The following ABHD4 variants were observed in gnomAD, a reference collection of about 807,000 sequenced individuals.
ABHD4 encodes (Lyso)-N-acylphosphatidylethanolamine lipase.
Under a neutral mutation model 42.3 loss-of-function variants are expected in ABHD4, and 35 were observed. The observed-to-expected ratio is 0.83, with a 90% CI of 0.63 to 1.10. The LOEUF is 1.10. ABHD4 is among the 50% of genes least tolerant of loss of function. The pLI is 0.00. For missense variants in ABHD4, 389 were observed against 454.8 expected, an observed-to-expected ratio of 0.86 and a Z score of 1.32; for synonymous variants, 169 against 170.6, an observed-to-expected ratio of 0.99 and a Z score of 0.07.
Position 22,598,719 on chromosome 14 carries a change from A to G in ABHD4, c.23+390A>G, listed in dbSNP as rs533610113. ...GTCTCGACTTGCCCCCCAGAACGGC[A>G]GTCGTGGGGATGGAGAGAGCCTCCT... On this transcript the variant is annotated intron_variant, in intron 1 of 6. Transcript: ENST00000428304. 259 of 381,028 alleles carry G rather than the reference A, an allele frequency of 6.8e-4. 2 individuals carry two copies. The highest frequency in any genetic ancestry group is 1.7e-3 in the Admixed American group (47 of 27,342). 23.6% of individuals were successfully genotyped at this position (381,028 alleles called of 1,614,324 possible). A position where few individuals can be genotyped will look rare whatever the true frequency, so the allele number is the denominator to read the frequency against.
At chr14:22,600,935 T>C (rs1262407522) in intron 1 of ABHD4, among the ~76,000 whole-genome samples, 1 of 151,582 alleles carries the variant, frequency 6.6e-6, no homozygotes, top group African/African-American at 2.4e-5. Context: ...TCCCTGGGTA[T>C]GAAGGAGAAA....
intron 5 of ABHD4, 88 bp from the exon 6 acceptor site, chr14:22,609,636 G>A: frequency 1.2e-5 from 17 of 1,409,258 alleles, no homozygotes; most frequent in Non-Finnish European, 1.6e-5. Flanking sequence ...GGAATACAAA[G>A]GTGACTAAGA....
chr14:22,604,306 A>C (rs1033305386), intron 4 of ABHD4: 3 of 466,696 alleles, frequency 6.4e-6, no homozygotes, highest in East Asian at 7.6e-5. Flanking sequence ...GCTGGAGTGC[A>C]GTGGTGCGAT....
At chr14:22,605,344 A>G (rs2037337200) in intron 4 of ABHD4, among the ~76,000 whole-genome samples, 1 of 152,222 alleles carries the variant, frequency 6.6e-6, no homozygotes, top group Non-Finnish European at 1.5e-5. Flanking sequence ...TTGTGCTTAC[A>G]GAGTAATATT....
At chr14:22,606,628 A>G in intron 5 of ABHD4, 95 bp downstream of exon 5, 1 of 864,142 alleles carries the variant, frequency 1.2e-6, no homozygotes, top group Non-Finnish European at 1.8e-6. Flanking sequence ...CTTCTTCAAC[A>G]AAGCTCTGAC....
intron 5 of ABHD4, among the ~76,000 whole-genome samples, chr14:22,607,692 T>C (rs1485457591): frequency 6.6e-6 from 1 of 152,202 alleles, no homozygotes; most frequent in East Asian, 1.9e-4. Flanking sequence ...GCCTGTCTCA[T>C]ACCCACCTGA....
chr14:22,600,154 C>T, intron 1 of ABHD4: 1 of 455,766 alleles, frequency 2.2e-6, no homozygotes, highest in Non-Finnish European at 4.4e-6. Context: ...GAAGCTCTGA[C>T]ACAGAAAAGC....
At chr14:22,598,552 C>G in intron 1 of ABHD4, 1 of 1,341,906 alleles carries the variant, frequency 7.5e-7, no homozygotes, top group Non-Finnish European at 1.0e-6. Flanking sequence ...GCCCGCAGCC[C>G]GGGGATCCTG....
chr14:22,606,964 A>T (rs987774576), intron 5 of ABHD4, among the ~76,000 whole-genome samples: 2 of 152,182 alleles, frequency 1.3e-5, no homozygotes, highest in Admixed American at 6.5e-5. Flanking sequence ...TGTAGTCCCT[A>T]CATTTCCTTA....
At chr14:22,606,028 A>G (rs2037345204) in intron 4 of ABHD4, among the ~76,000 whole-genome samples, 1 of 152,198 alleles carries the variant, frequency 6.6e-6, no homozygotes, top group East Asian at 1.9e-4. Flanking sequence ...TACCATCAGA[A>G]GATTAAAAGG....
At chr14:22,603,318 G>T (rs1297918280) in intron 2 of ABHD4, 72 bp from the exon 3 acceptor site, 2 of 1,577,700 alleles carry the variant, frequency 1.3e-6, no homozygotes, top group African/African-American at 2.7e-5. Flanking sequence ...TGTGAAGAGT[G>T]GTAGTCCAGG....
intron 1 of ABHD4, 35 bp from the exon 2 acceptor site, chr14:22,601,632 T>A: frequency 1.3e-6 from 2 of 1,580,466 alleles, no homozygotes; most frequent in Non-Finnish European, 1.7e-6. Flanking sequence ...TTCTTTCCAA[T>A]GTTGCCAATG....
chr14:22,604,180 C>T (rs1350248080), intron 4 of ABHD4, 101 bp downstream of exon 4: 9 of 1,362,094 alleles, frequency 6.6e-6, no homozygotes, highest in African/African-American at 1.5e-5. Context: ...TTGGCCTAGC[C>T]TTGTTATTTA....
chr14:22,610,967 AGAG>A lies in ABHD4; in HGVS notation c.*23_*25del, dbSNP rs767632231. On this transcript the variant is annotated 3_prime_UTR_variant, in exon 7 of 7. Transcript: ENST00000428304. ...TGATTGAGCTGCTCTCTGAAGAGGA[AGAG>A]GAGAAAGCCAGAGAGTCACTCTTAC... 12 of 1,609,762 alleles carry A rather than the reference AGAG, an allele frequency of 7.5e-6. No homozygotes were observed. The highest frequency in any genetic ancestry group is 1.0e-5 in the Non-Finnish European group (12 of 1,176,262).
At chr14:22,610,326 G>A (rs568646170) in intron 6 of ABHD4, among the ~76,000 whole-genome samples, 3 of 152,274 alleles carry the variant, frequency 2.0e-5, no homozygotes, top group South Asian at 4.1e-4. Context: ...CAAAGTGCTC[G>A]TATTGTACTA....
chr14:22,600,859 T>C (rs1305237110), intron 1 of ABHD4, among the ~76,000 whole-genome samples: 1 of 151,714 alleles, frequency 6.6e-6, no homozygotes, highest in African/African-American at 2.4e-5. Context: ...TGTGTGTGTG[T>C]GTGTGTGTGT....
chr14:22,603,871 T>C, intron 3 of ABHD4, 54 bp from the exon 4 acceptor site: 2 of 1,602,762 alleles, frequency 1.2e-6, no homozygotes, highest in South Asian at 2.2e-5. Context: ...TAAGGGGCTA[T>C]GGCAACTACC....
In ABHD4 at chr14:22,606,423, G is replaced by A. The variant is rs890188849; in HGVS notation, c.642G>A (p.Gly214=). ...LAVLRVAGPW[G]PGLVQRFRPD... is the part of the protein sequence containing the mutation. Reference sequence around the variant, plus strand: ...CTGTGTTTTTCTATCCCCTCCCAGGGCCTGGTCTGGTGCAGCGATTCCGGC... The same window carrying A: ...CTGTGTTTTTCTATCCCCTCCCAGGACCTGGTCTGGTGCAGCGATTCCGGC... Residue 214 remains glycine (G), a splice_region_variant and synonymous_variant, in exon 5 of 7, where the codon GGG becomes GGA. Coordinates refer to ENST00000428304, the MANE Select transcript of ABHD4 (RefSeq NM_022060.3). The A allele has an allele frequency of 5.0e-6, 8 of 1,610,106 alleles. No homozygotes were observed. In the African/African-American group the frequency reaches 1.1e-4, roughly 22 times the overall value.
intron 5 of ABHD4, among the ~76,000 whole-genome samples, chr14:22,608,697 T>C (rs1002921238): frequency 6.6e-6 from 1 of 152,126 alleles, no homozygotes; most frequent in Non-Finnish European, 1.5e-5. Flanking sequence ...AAGTTGTTTT[T>C]TGTTTGTTTG....
Sources: gnomAD v4.1 joint callset for allele counts (sites outside exome capture counted in the v4.1 genomes callset) on GRCh38, gnomAD v4.1.1 for gene constraint, MANE v1.5 for transcripts, NCBI Gene and HGNC (gene_info 2026-07-23, HGNC 2026-07-21) for gene names.